MOXD1: variants seen among roughly 807,000 people sequenced by gnomAD.
MOXD1 encodes DBH-like monooxygenase protein 1.
A neutral mutation model predicts 66.6 loss-of-function variants in MOXD1; 62 were observed. The ratio of observed to expected loss-of-function variants is 0.93; its 90% CI spans 0.76 to 1.15. The LOEUF (loss-of-function observed/expected upper bound fraction) is 1.15, where lower values mean the gene tolerates loss of function less well. Ranked by LOEUF, MOXD1 falls within the 50% of genes most tolerant of loss-of-function variation. The pLI is 0.00. For missense variants in MOXD1, 847 were observed against 754.6 expected (o/e 1.12, Z -1.44); for synonymous variants, 303 against 281.9 (o/e 1.07, Z -0.75).
intron 10 of MOXD1, among the ~76,000 whole-genome samples, chr6:132,309,963 C>T (rs556040368): frequency 1.4e-4 from 21 of 152,270 alleles, no homozygotes; most frequent in African/African-American, 4.6e-4. Context: ...ATGACAAAAA[C>T]GCCAAAAGCA....
chr6:132,386,695 AC>A (rs927305754), intron 1 of MOXD1, among the ~76,000 whole-genome samples: 1 of 151,466 alleles, frequency 6.6e-6, no homozygotes, highest in African/African-American at 2.4e-5. Context: ...CCCAGCTCCC[AC>A]CAAAGGAGAA....
Position 132,384,235 on chromosome 6 carries a change from TC to T in MOXD1, c.265-9459del, listed in dbSNP as rs1473220917. 3.8e-3 allele frequency among the ~76,000 whole-genome samples: 376 copies of T among 99,340 alleles called. 1 individual carries two copies. Among genetic ancestry groups the T allele is most frequent in the African/African-American group, 0.013 (342 of 25,734 alleles). 65.2% of individuals were successfully genotyped at this position (99,340 alleles called of 152,430 possible). A position where few individuals can be genotyped will look rare whatever the true frequency, so the allele number is the denominator to read the frequency against. On this transcript the variant is annotated intron_variant, in intron 1 of 11. Transcript: ENST00000367963. Reference sequence around the variant, plus strand: ...CCTTCCTTCCTCCTTCCTTCCTCCCTCCCTCTCTTCCTTCCTTCCTTCCTTC... The same window carrying T: ...CCTTCCTTCCTCCTTCCTTCCTCCCTCCTCTCTTCCTTCCTTCCTTCCTTC...
chr6:132,303,871 ATATATATACATATAT>A (rs1562276521), intron 10 of MOXD1, among the ~76,000 whole-genome samples: 1,076 of 51,262 alleles, frequency 0.021, 18 homozygotes, highest in African/African-American at 0.086. Context: ...ATATATATAT[ATATATATACATATAT>A]ACATAAAACC....
chr6:132,373,136 T>C (rs1047151136), intron 2 of MOXD1, 139 bp from the exon 3 acceptor site: 8 of 788,360 alleles, frequency 1.0e-5, no homozygotes, highest in Admixed American at 6.3e-5. Flanking sequence ...ATCAACATGG[T>C]CTCTAATATT....
chr6:132,322,859 G>A lies in MOXD1; in HGVS notation c.1125C>T (p.Ala375=), dbSNP rs749041512. 1.7e-5 allele frequency: 28 copies of A among 1,612,780 alleles called. 1 individual carries two copies. Among genetic ancestry groups the A allele is most frequent in the Admixed American group, 6.7e-5 (4 of 59,844 alleles). Residue 375 remains alanine (A), a synonymous_variant, in exon 8 of 12, where the codon GCC becomes GCT. Transcript: ENST00000367963. The part of the protein sequence containing the change: ...TLECLEEALE[A]EKPSGIHVFA... ...ACACATGAATTCCACTTGGCTTTTC[G>A]GCTTCCAGAGCCTACAGGAGACACC...
Position 132,343,404 on chromosome 6 carries a change from G to A in MOXD1, c.664-14810C>T, listed in dbSNP as rs563355669. On this transcript the variant is annotated intron_variant, in intron 4 of 11. Coordinates refer to ENST00000367963, the MANE Select transcript of MOXD1 (RefSeq NM_015529.4). ...AGCCTGGCTAACATGGTGAAACCCC[G>A]TTTCTACTAAAAATACAAAAATTAG... is the stretch of plus-strand genomic sequence containing the variant. 2.6e-3 allele frequency among the ~76,000 whole-genome samples: 398 copies of A among 152,076 alleles called. 2 individuals carry two copies. The highest frequency in any genetic ancestry group is 7.8e-3 in the African/African-American group (322 of 41,482).
intron 1 of MOXD1, among the ~76,000 whole-genome samples, chr6:132,395,087 G>A (rs531788198): frequency 8.1e-4 from 124 of 152,194 alleles, no homozygotes; most frequent in Admixed American, 1.8e-3. Context: ...ATAAAGGTAC[G>A]TCTGTCAGAC....
At chr6:132,327,451 T>A (rs1775213142) in intron 6 of MOXD1, among the ~76,000 whole-genome samples, 2 of 152,224 alleles carry the variant, frequency 1.3e-5, no homozygotes, top group South Asian at 4.1e-4. Flanking sequence ...CTTCTGTTGA[T>A]AATTTCGTGT....
intron 4 of MOXD1, among the ~76,000 whole-genome samples, chr6:132,339,536 C>T (rs190538250): frequency 1.7e-4 from 26 of 152,356 alleles, no homozygotes; most frequent in East Asian, 1.3e-3. Flanking sequence ...TTTTCTGTTG[C>T]TTTCCAGCAT....
rs549589869 is a variant in MOXD1 at position 132,304,702 on chromosome 6, T to C, written c.1509-6747A>G. Among the ~76,000 whole-genome samples, 97 of 152,310 alleles carry C rather than the reference T, an allele frequency of 6.4e-4. 1 individual carries two copies. Among genetic ancestry groups the C allele is most frequent in the African/African-American group, 2.3e-3 (97 of 41,570 alleles). Reference sequence around the variant, plus strand: ...TTTTTCTTACTGGACTCAGACAACCTGCACAGCGAACCTGCTTTACAATAA... The same window carrying C: ...TTTTTCTTACTGGACTCAGACAACCCGCACAGCGAACCTGCTTTACAATAA... On this transcript the variant is annotated intron_variant, in intron 10 of 11. Coordinates refer to ENST00000367963, the MANE Select transcript of MOXD1 (RefSeq NM_015529.4).
intron 1 of MOXD1, among the ~76,000 whole-genome samples, chr6:132,390,227 G>A (rs1474589695): frequency 6.6e-6 from 1 of 151,562 alleles, no homozygotes; most frequent in Non-Finnish European, 1.5e-5. Context: ...CCCCAGGTAG[G>A]TAGTTTCCTG....
In MOXD1 at chr6:132,328,131, G is replaced by A; in HGVS notation, c.844-16C>T. The A allele has an allele frequency of 6.3e-7, 1 of 1,595,500 alleles. No individual in the cohort carries two copies. The highest frequency in any genetic ancestry group is 1.1e-5 in the South Asian group (1 of 90,532). ...AAGAAAAGCCCTAAATATGGAAAAT[G>A]CCATGAGACAATGTCCTATGAAAGT... On this transcript the variant is annotated splice_polypyrimidine_tract_variant and intron_variant, in intron 5 of 11. Transcript: ENST00000367963.
At chr6:132,334,424 C>T (rs1775394407) in intron 4 of MOXD1, among the ~76,000 whole-genome samples, 2 of 152,218 alleles carry the variant, frequency 1.3e-5, no homozygotes, top group Admixed American at 1.3e-4. Context: ...GGTCACTGAA[C>T]TCATCACTCA....
chr6:132,316,755 G>A (rs1774968090), intron 9 of MOXD1, among the ~76,000 whole-genome samples: 1 of 152,038 alleles, frequency 6.6e-6, no homozygotes, highest in Non-Finnish European at 1.5e-5. Context: ...AGATCTATGG[G>A]ACAACATTAA....
At chr6:132,373,359 T>C (rs1304795276) in intron 2 of MOXD1, among the ~76,000 whole-genome samples, 1 of 152,202 alleles carries the variant, frequency 6.6e-6, no homozygotes. Context: ...AATATTCTTG[T>C]TCAGCAGCAG....
chr6:132,345,031 G>T (rs935308889), intron 4 of MOXD1, among the ~76,000 whole-genome samples: 1 of 152,198 alleles, frequency 6.6e-6, no homozygotes, highest in South Asian at 2.1e-4. Flanking sequence ...CAGCAGCAGA[G>T]CCAGGCCAAC....
chr6:132,360,390 T>C (rs1403739694), intron 4 of MOXD1, among the ~76,000 whole-genome samples: 4 of 152,216 alleles, frequency 2.6e-5, no homozygotes, highest in Non-Finnish European at 5.9e-5. Context: ...ATCCCCAAAT[T>C]GGACAGTTCT....
Position 132,324,227 on chromosome 6 carries a change from CTG to C in MOXD1, c.947-132_947-131del, listed in dbSNP as rs1310353385. ...AATAGGTTTATTTATTTTCCATAAACTGTCATGAGGGAAAGGGATTCAAGCAG... is the reference window on the plus strand; with the variant it reads ...AATAGGTTTATTTATTTTCCATAAACTCATGAGGGAAAGGGATTCAAGCAG... On this transcript the variant is annotated intron_variant, in intron 6 of 11. Transcript: ENST00000367963. 56 of 917,260 alleles carry C rather than the reference CTG, an allele frequency of 6.1e-5. No individual in the cohort carries two copies. The East Asian group carries it at 1.3e-3, about 21-fold the overall frequency. The allele number at this position is 917,260 out of a possible 1,614,324, so 56.8% of individuals were successfully genotyped here. A position where few individuals can be genotyped will look rare whatever the true frequency, so the allele number is the denominator to read the frequency against.
intron 4 of MOXD1, among the ~76,000 whole-genome samples, chr6:132,372,401 A>T (rs1197610988): frequency 1.1e-4 from 16 of 152,234 alleles, no homozygotes. Flanking sequence ...GACATGTAAA[A>T]TTAGGAGATA....
Sources: allele counts gnomAD v4.1 joint callset (sites outside exome capture counted in the v4.1 genomes callset), GRCh38; gene constraint gnomAD v4.1.1; transcripts MANE v1.5; gene names NCBI Gene and HGNC (gene_info 2026-07-23, HGNC 2026-07-21).